Variants in FRMD4A observed in about 807,000 individuals in gnomAD.
FRMD4A encodes FERM domain-containing protein 4A.
In FRMD4A, 29 loss-of-function variants were observed where a neutral mutation model predicts 129.1. That is an observed-to-expected ratio of 0.22 (90% confidence interval 0.17 to 0.31). The LOEUF is 0.31. Ranked by LOEUF, FRMD4A falls within the 10% of genes least tolerant of loss-of-function variation. The pLI is 1.00. For synonymous variants in FRMD4A, 634 were observed against 571.6 expected (o/e 1.11, Z -1.56); for missense variants, 1,272 against 1,375.8 (o/e 0.92, Z 1.19).
intron 2 of FRMD4A, among the ~76,000 whole-genome samples, chr10:13,910,927 G>A (rs1355170498): frequency 5.9e-5 from 6 of 101,522 alleles, no homozygotes; most frequent in Admixed American, 2.1e-4. Flanking sequence ...AAAAAAAAAA[G>A]TCTAGTGGTT....
intron 2 of FRMD4A, among the ~76,000 whole-genome samples, chr10:14,316,316 G>A (rs1464819531): frequency 6.6e-6 from 1 of 152,060 alleles, no homozygotes; most frequent in African/African-American, 2.4e-5. Flanking sequence ...GAATTGTGCT[G>A]TTATAAAAGG....
intron 2 of FRMD4A, among the ~76,000 whole-genome samples, chr10:14,070,859 C>A (rs559104808): frequency 6.6e-6 from 1 of 152,268 alleles, no homozygotes; most frequent in South Asian, 2.1e-4. Flanking sequence ...ATTTAAAGAT[C>A]CCTGACTTGT....
chr10:13,912,274 G>A (rs1468535849), intron 2 of FRMD4A, among the ~76,000 whole-genome samples: 1 of 152,138 alleles, frequency 6.6e-6, no homozygotes, highest in Non-Finnish European at 1.5e-5. Flanking sequence ...TGCACTGCTG[G>A]TGGGACTGTG....
intron 2 of FRMD4A, among the ~76,000 whole-genome samples, chr10:13,888,893 T>C (rs2094659509): frequency 6.6e-6 from 1 of 152,244 alleles, no homozygotes; most frequent in South Asian, 2.1e-4. Context: ...TACTGTTCCT[T>C]TTCTTAAAAT....
intron 2 of FRMD4A, among the ~76,000 whole-genome samples, chr10:14,249,423 T>G (rs182367934): frequency 6.6e-6 from 1 of 152,020 alleles, no homozygotes; most frequent in African/African-American, 2.4e-5. Flanking sequence ...AGTGTTTGTG[T>G]GAAATGAAGC....
chr10:13,790,818 G>A (rs942082763), intron 5 of FRMD4A, among the ~76,000 whole-genome samples: 1 of 152,168 alleles, frequency 6.6e-6, no homozygotes, highest in Non-Finnish European at 1.5e-5. Context: ...AGAGCAGAAG[G>A]GGTAGCAGAG....
intron 2 of FRMD4A, among the ~76,000 whole-genome samples, chr10:14,141,320 A>C (rs926553965): frequency 3.3e-5 from 5 of 152,160 alleles, no homozygotes; most frequent in African/African-American, 1.2e-4. Context: ...CATTTTTATC[A>C]TCAATTTTAC....
chr10:13,699,141 T>C (rs1028454862), intron 14 of FRMD4A, among the ~76,000 whole-genome samples: 1 of 149,952 alleles, frequency 6.7e-6, no homozygotes, highest in Non-Finnish European at 1.5e-5. Context: ...CTGCAACCTC[T>C]GCCTCCTGGG....
intron 2 of FRMD4A, among the ~76,000 whole-genome samples, chr10:14,031,429 G>A (rs1565197968): frequency 6.6e-6 from 1 of 152,090 alleles, no homozygotes; most frequent in African/African-American, 2.4e-5. Context: ...CACCATGCCT[G>A]GCTAATTTTT....
intron 2 of FRMD4A, among the ~76,000 whole-genome samples, chr10:14,059,474 T>A (rs965268109): frequency 2.6e-5 from 4 of 151,060 alleles, no homozygotes; most frequent in African/African-American, 9.7e-5. Context: ...TCTCTTTCTC[T>A]CTCTTTCTCT....
intron 2 of FRMD4A, among the ~76,000 whole-genome samples, chr10:14,058,638 T>G (rs1039797377): frequency 1.3e-5 from 2 of 152,192 alleles, no homozygotes; most frequent in Non-Finnish European, 2.9e-5. Context: ...ATTCTCAAGG[T>G]CCTTTCTCTG....
intron 5 of FRMD4A, among the ~76,000 whole-genome samples, chr10:13,783,547 A>ATTTTTTTT (rs57973701): frequency 5.5e-5 from 8 of 145,872 alleles, no homozygotes; most frequent in African/African-American, 2.0e-4. Flanking sequence ...ACCACGCCTA[A>ATTTTTTTT]TTTTTTTTTT....
intron 6 of FRMD4A, among the ~76,000 whole-genome samples, chr10:13,779,814 C>T (rs76102894): frequency 1.7e-3 from 251 of 149,660 alleles, no homozygotes; most frequent in African/African-American, 5.7e-3. Flanking sequence ...GTGTCTATCT[C>T]AAAAGGCGTT....
At chr10:14,026,531 T>A (rs1832993610) in intron 2 of FRMD4A, among the ~76,000 whole-genome samples, 1 of 152,190 alleles carries the variant, frequency 6.6e-6, no homozygotes, top group African/African-American at 2.4e-5. Flanking sequence ...GTGTCTCTTG[T>A]TAGGAACGGC....
At chr10:14,093,175 C>A (rs1012474997) in intron 2 of FRMD4A, among the ~76,000 whole-genome samples, 6 of 152,172 alleles carry the variant, frequency 3.9e-5, no homozygotes, top group African/African-American at 4.8e-5. Flanking sequence ...GCTGCCTGCA[C>A]GGCTCAGCAG....
At chr10:14,046,443 C>T (rs1187124251) in intron 2 of FRMD4A, among the ~76,000 whole-genome samples, 11 of 152,118 alleles carry the variant, frequency 7.2e-5, no homozygotes, top group Admixed American at 2.0e-4. Flanking sequence ...AAAAACCATA[C>T]GGCAAGATAC....
Position 13,762,522 on chromosome 10 carries a change from A to T in FRMD4A, c.441+102T>A, listed in dbSNP as rs900293563. 32 of 709,084 alleles carry T rather than the reference A, an allele frequency of 4.5e-5. 1 individual carries two copies. In the South Asian group the frequency reaches 5.4e-4, roughly 12 times the overall value. The allele number at this position is 709,084 out of a possible 1,614,324, so 43.9% of individuals were successfully genotyped here. On this transcript the variant is annotated intron_variant, in intron 7 of 24. Transcript: ENST00000357447. ...TGTGGCTAAAAAAAGGTAAGACGAC[A>T]AATAGTGAGTAGATACAGCTACTGG...
At chr10:14,243,549 A>G (rs571547959) in intron 2 of FRMD4A, among the ~76,000 whole-genome samples, 7 of 152,294 alleles carry the variant, frequency 4.6e-5, no homozygotes, top group African/African-American at 1.7e-4. Context: ...AACCAGTCAT[A>G]AAAAGGCAAA....
At chr10:13,887,003 T>C (rs185353392) in intron 2 of FRMD4A, among the ~76,000 whole-genome samples, 139 of 152,332 alleles carry the variant, frequency 9.1e-4, no homozygotes, top group Middle Eastern at 3.4e-3. Context: ...CCAATGCTCC[T>C]GACCACAGAC....
Sources: gnomAD v4.1 joint callset for allele counts (sites outside exome capture counted in the v4.1 genomes callset) on GRCh38, gnomAD v4.1.1 for gene constraint, MANE v1.5 for transcripts, NCBI Gene and HGNC (gene_info 2026-07-23, HGNC 2026-07-21) for gene names.